The following CNTN4 variants were observed in gnomAD, a reference collection of about 807,000 sequenced individuals.
CNTN4 encodes contactin-4.
A neutral mutation model predicts 122.5 loss-of-function variants in CNTN4; 77 were observed. The ratio of observed to expected loss-of-function variants is 0.63; its 90% confidence interval spans 0.52 to 0.76. The LOEUF (loss-of-function observed/expected upper bound fraction) is 0.76. CNTN4 is among the 30% of genes least tolerant of loss of function. CNTN4 has a pLI of 0.00. For missense variants in CNTN4, 1,256 were observed against 1,259.1 expected, an observed-to-expected ratio of 1.00 and a Z score of 0.04; for synonymous variants, 512 against 447.0, an observed-to-expected ratio of 1.15 and a Z score of -1.83.
intron 3 of CNTN4, among the ~76,000 whole-genome samples, chr3:2,345,231 G>C (rs1481793601): frequency 1.3e-5 from 2 of 152,032 alleles, no homozygotes; most frequent in Non-Finnish European, 2.9e-5. Context: ...GAAAATGTGT[G>C]ATTCAATTGT....
At chr3:2,508,771 T>C (rs930238914) in intron 3 of CNTN4, among the ~76,000 whole-genome samples, 2 of 152,230 alleles carry the variant, frequency 1.3e-5, no homozygotes, top group Non-Finnish European at 2.9e-5. Flanking sequence ...TTTCTTTTGT[T>C]TGTGGTAACT....
intron 13 of CNTN4, among the ~76,000 whole-genome samples, chr3:2,965,232 A>C (rs2125044273): frequency 6.6e-6 from 1 of 152,282 alleles, no homozygotes; most frequent in South Asian, 2.1e-4. Flanking sequence ...ATCGGAGCCA[A>C]ATTTCACGCT....
At position 2,385,569 on chromosome 3, in the gene CNTN4, G is replaced by A. The variant is rs1197205965; in HGVS notation, c.-89+46336G>A. On this transcript the variant is annotated intron_variant, in intron 3 of 24. Coordinates refer to ENST00000418658, the MANE Select transcript of CNTN4 (RefSeq NM_175607.3). This position sits in a 1 kb window ranked among gnomAD's most constrained non-coding sequence, Gnocchi z 4.0. ...TCCAAAATCAGGTGTTGGTAGGGCTGTGCTCCGTCTGTAACCTCTAGGGGA... is the reference window on the plus strand; with the variant it reads ...TCCAAAATCAGGTGTTGGTAGGGCTATGCTCCGTCTGTAACCTCTAGGGGA... Among the ~76,000 whole-genome samples the A allele has an allele frequency of 6.6e-6, 1 of 152,086 alleles. No homozygotes were observed. Among genetic ancestry groups the A allele is most frequent in the Non-Finnish European group, 1.5e-5 (1 of 68,032 alleles).
intron 2 of CNTN4, among the ~76,000 whole-genome samples, chr3:2,256,734 G>A (rs2040607920): frequency 1.3e-5 from 2 of 152,246 alleles, no homozygotes; most frequent in South Asian, 2.1e-4. Context: ...ACTTAAAAGG[G>A]ATGTGAAGGA....
intron 6 of CNTN4, among the ~76,000 whole-genome samples, chr3:2,782,055 G>A (rs77927137): frequency 1.2e-3 from 184 of 152,092 alleles, no homozygotes; most frequent in African/African-American, 4.4e-3. Flanking sequence ...GTTGCCATAA[G>A]AGGTTGTGGA....
At chr3:2,259,836 G>A (rs937851549) in intron 2 of CNTN4, among the ~76,000 whole-genome samples, 1 of 152,096 alleles carries the variant, frequency 6.6e-6, no homozygotes, top group African/African-American at 2.4e-5. Context: ...CAGACCTGGG[G>A]TTCACATCCT....
chr3:2,878,054 T>C (rs113711059), intron 8 of CNTN4, among the ~76,000 whole-genome samples: 3,556 of 152,282 alleles, frequency 0.023, 140 homozygotes, highest in African/African-American at 0.081. Context: ...CCAATCTTTA[T>C]ATACAGTGAA....
intron 3 of CNTN4, among the ~76,000 whole-genome samples, chr3:2,521,541 T>C (rs1454676758): frequency 6.6e-6 from 1 of 152,094 alleles, no homozygotes; most frequent in Admixed American, 6.6e-5. Context: ...TTGAGCTTTT[T>C]TGAACAAGTT....
At chr3:2,266,462 G>A (rs967411467) in intron 2 of CNTN4, among the ~76,000 whole-genome samples, 2 of 151,926 alleles carry the variant, frequency 1.3e-5, no homozygotes, top group Non-Finnish European at 2.9e-5. Flanking sequence ...ATTTCTCAGA[G>A]AAGTTATCTT....
intron 3 of CNTN4, among the ~76,000 whole-genome samples, chr3:2,423,018 G>C (rs985842919): frequency 6.6e-6 from 1 of 152,104 alleles, no homozygotes. Flanking sequence ...ATTAACTTAG[G>C]GTTTTAGCAT....
intron 12 of CNTN4, among the ~76,000 whole-genome samples, chr3:2,916,716 TAC>T (rs1491394448): frequency 2.1e-5 from 3 of 141,792 alleles, no homozygotes; most frequent in Non-Finnish European, 4.5e-5. Flanking sequence ...AGCTGTTGGG[TAC>T]ACCTCCCAGA....
intron 3 of CNTN4, among the ~76,000 whole-genome samples, chr3:2,445,410 C>A (rs747893433): frequency 6.6e-6 from 1 of 151,974 alleles, no homozygotes; most frequent in African/African-American, 2.4e-5. Context: ...TGATAAATCT[C>A]GAAGATAGAG....
At position 2,883,190 on chromosome 3, in the gene CNTN4, A is replaced by G; in HGVS notation, c.698A>G (p.Glu233Gly). Residue 233 changes from glutamate to glycine, a missense_variant, in exon 9 of 25, where the codon GAA becomes GGA. Transcript: ENST00000418658. ...CCCAAAATAGAAGTGCAGTTCCCAG[A>G]AACAGTTCCGACTGCAAAAGGAGCA... ...YEPKIEVQFP[E>G]TVPTAKGATV... 1 of 1,613,962 alleles carries G rather than the reference A, an allele frequency of 6.2e-7. No individual in the cohort carries two copies.
At chr3:2,179,253 C>A (rs2149275306) in intron 2 of CNTN4, among the ~76,000 whole-genome samples, 1 of 151,964 alleles carries the variant, frequency 6.6e-6, no homozygotes, top group African/African-American at 2.4e-5. Flanking sequence ...TATTTCTGGT[C>A]AAATAAAAAT....
At chr3:2,305,588 A>G (rs969865876) in intron 2 of CNTN4, among the ~76,000 whole-genome samples, 1 of 152,194 alleles carries the variant, frequency 6.6e-6, no homozygotes, top group African/African-American at 2.4e-5. Context: ...ACCAATTCAT[A>G]TACTATACTT....
intron 3 of CNTN4, among the ~76,000 whole-genome samples, chr3:2,470,867 A>T (rs181319944): frequency 1.3e-5 from 2 of 152,312 alleles, no homozygotes; most frequent in Admixed American, 6.5e-5. Flanking sequence ...TATGTTTGAG[A>T]CGTCTGGTAT....
intron 4 of CNTN4, among the ~76,000 whole-genome samples, chr3:2,603,058 A>G (rs1235568285): frequency 6.6e-6 from 1 of 151,990 alleles, no homozygotes; most frequent in Non-Finnish European, 1.5e-5. Context: ...TGTTGTTAAG[A>G]TATATTTTGA....
chr3:2,425,880 G>A (rs1398484939), intron 3 of CNTN4, among the ~76,000 whole-genome samples: 1 of 152,122 alleles, frequency 6.6e-6, no homozygotes, highest in Non-Finnish European at 1.5e-5. Context: ...TCTCTTATTG[G>A]TGTATAAGAA....
intron 2 of CNTN4, among the ~76,000 whole-genome samples, chr3:2,177,656 TTGTGTGTGTGTGTG>T (rs60145608): frequency 3.1e-4 from 46 of 147,548 alleles, no homozygotes; most frequent in Middle Eastern, 3.4e-3. Context: ...GTGTGTGTGT[TTGTGTGTGTGTGTG>T]TGTGTGTGTG....
Sources: allele counts gnomAD v4.1 joint callset (sites outside exome capture counted in the v4.1 genomes callset), GRCh38; gene constraint gnomAD v4.1.1; non-coding constraint Gnocchi (gnomAD v3.1); transcripts MANE v1.5; gene names NCBI Gene and HGNC (gene_info 2026-07-23, HGNC 2026-07-21).